The following NOS1AP variants were observed in gnomAD, a reference collection of about 807,000 sequenced individuals.
The protein encoded by NOS1AP is carboxyl-terminal PDZ ligand of neuronal nitric oxide synthase protein.
Under a neutral mutation model 56.2 loss-of-function variants are expected in NOS1AP, and 21 were observed. The ratio of observed to expected loss-of-function variants is 0.37; its 90% CI spans 0.26 to 0.54. The LOEUF (loss-of-function observed/expected upper bound fraction) is 0.54, where lower values mean the gene tolerates loss of function less well. NOS1AP is among the 20% of genes least tolerant of loss of function. The probability of loss-of-function intolerance (pLI) is 0.84; values close to 1 mark genes in which losing one functional copy is unlikely to be tolerated. For synonymous variants in NOS1AP, 270 were observed against 274.6 expected, an observed-to-expected ratio of 0.98 and a Z score of 0.17; for missense variants, 522 against 657.8, an observed-to-expected ratio of 0.79 and a Z score of 2.26.
At chr1:162,197,721 TTCTCTGCCTGGGC>T (rs1393056982) in intron 2 of NOS1AP, among the ~76,000 whole-genome samples, 2 of 152,196 alleles carry the variant, frequency 1.3e-5, no homozygotes, top group Non-Finnish European at 2.9e-5. Flanking sequence ...TCTGTTGTAT[TTCTCTGCCTGGGC>T]TCTTTTCCAC....
At chr1:162,358,788 TTATC>T (rs1374942318) in intron 8 of NOS1AP, among the ~76,000 whole-genome samples, 10 of 152,340 alleles carry the variant, frequency 6.6e-5, no homozygotes, top group African/African-American at 2.4e-4. Context: ...TAATTATTAT[TTATC>T]TAAGAGTGGG....
chr1:162,291,600 G>A (rs1655284466), intron 3 of NOS1AP, among the ~76,000 whole-genome samples: 1 of 152,024 alleles, frequency 6.6e-6, no homozygotes. Context: ...TAATCTTCAG[G>A]TGCATTATAC....
At chr1:162,218,243 G>T (rs1029694070) in intron 2 of NOS1AP, among the ~76,000 whole-genome samples, 1 of 152,156 alleles carries the variant, frequency 6.6e-6, no homozygotes, top group African/African-American at 2.4e-5. Context: ...AGAATCCTTG[G>T]CTGGGAGCCT....
chr1:162,225,680 C>G (rs1011349190), intron 2 of NOS1AP, among the ~76,000 whole-genome samples: 1 of 152,170 alleles, frequency 6.6e-6, no homozygotes, highest in Non-Finnish European at 1.5e-5. Context: ...CCAGGTAAGG[C>G]TGTCAGTTTG....
chr1:162,364,228 T>C lies in NOS1AP; in HGVS notation c.940-1176T>C, dbSNP rs893710784. On this transcript the variant is annotated intron_variant, in intron 8 of 9. Coordinates refer to ENST00000361897, the MANE Select transcript of NOS1AP (RefSeq NM_014697.3). ...CATCTTCCTGCATCCTCGTCCCACC[T>C]CTCCTGCCCCCACTCACCTGGCTCT... is the stretch of plus-strand genomic sequence containing the variant. The C allele has an allele frequency of 3.7e-5, 36 of 985,330 alleles. No individual in the cohort carries two copies. The African/African-American group carries it at 5.9e-4, about 16-fold the overall frequency. 61.0% of individuals were successfully genotyped at this position (985,330 alleles called of 1,614,324 possible). A position where few individuals can be genotyped will look rare whatever the true frequency, so the allele number is the denominator to read the frequency against.
chr1:162,182,486 A>G (rs1651295655), intron 2 of NOS1AP, among the ~76,000 whole-genome samples: 1 of 152,236 alleles, frequency 6.6e-6, no homozygotes, highest in African/African-American at 2.4e-5. Flanking sequence ...TCTTAAAATA[A>G]AGCAACAATG....
intron 1 of NOS1AP, among the ~76,000 whole-genome samples, chr1:162,138,247 C>T (rs1370357891): frequency 1.3e-5 from 2 of 151,970 alleles, no homozygotes; most frequent in Non-Finnish European, 2.9e-5. Context: ...CTCAAGGTCT[C>T]TTAGGAGACT....
At chr1:162,154,033 C>G (rs116511845) in intron 1 of NOS1AP, among the ~76,000 whole-genome samples, 2,926 of 135,164 alleles carry the variant, frequency 0.022, 118 homozygotes, top group African/African-American at 0.077. Flanking sequence ...ACATTTTATT[C>G]TGTTTGATCT....
chr1:162,126,040 TATTGTAAAAGGA>T (rs1283771395), intron 1 of NOS1AP, among the ~76,000 whole-genome samples: 3 of 152,182 alleles, frequency 2.0e-5, no homozygotes, highest in African/African-American at 7.2e-5. Flanking sequence ...TTTTTGCATT[TATTGTAAAAGGA>T]ATTGAGTTCT....
intron 1 of NOS1AP, among the ~76,000 whole-genome samples, chr1:162,081,853 C>T (rs1356264271): frequency 6.8e-6 from 1 of 148,104 alleles, no homozygotes; most frequent in Non-Finnish European, 1.5e-5. Flanking sequence ...ATCTGCCCAC[C>T]TCAGCCTCCC....
chr1:162,285,667 GT>G (rs1655067053), intron 2 of NOS1AP, among the ~76,000 whole-genome samples: 1 of 152,016 alleles, frequency 6.6e-6, no homozygotes, highest in Admixed American at 6.6e-5. Context: ...TCTGCCTCCC[GT>G]TTCCCCTTTA....
chr1:162,123,391 C>G (rs1445717194), intron 1 of NOS1AP, among the ~76,000 whole-genome samples: 2 of 152,050 alleles, frequency 1.3e-5, no homozygotes, highest in African/African-American at 4.8e-5. Flanking sequence ...AGGCTGGTCT[C>G]GAACTTCTGA....
At chr1:162,071,991 TAG>T (rs1237821960) in intron 1 of NOS1AP, among the ~76,000 whole-genome samples, 2 of 151,744 alleles carry the variant, frequency 1.3e-5, no homozygotes, top group Non-Finnish European at 2.9e-5. Context: ...GCCCAGGAGT[TAG>T]AGACTGCAGT....
rs148716347 is a variant in NOS1AP, at chr1:162,190,205, G to A, written c.177+35729G>A. Among the ~76,000 whole-genome samples, 640 of 152,282 alleles carry A rather than the reference G, an allele frequency of 4.2e-3. 3 individuals carry two copies. The highest frequency in any genetic ancestry group is 7.3e-3 in the Non-Finnish European group (499 of 68,020). Reference sequence around the variant, plus strand: ...CTCTCTGGCCATGTTCACATAGAACGTGTTTCATCTCTGCTCCCCATGATA... The same window carrying A: ...CTCTCTGGCCATGTTCACATAGAACATGTTTCATCTCTGCTCCCCATGATA... On this transcript the variant is annotated intron_variant, in intron 2 of 9. Transcript: ENST00000361897.
intron 1 of NOS1AP, among the ~76,000 whole-genome samples, chr1:162,116,133 C>G (rs1647939045): frequency 6.6e-6 from 1 of 152,128 alleles, no homozygotes; most frequent in Non-Finnish European, 1.5e-5. Flanking sequence ...AGGCTGAGCC[C>G]CTGGCCTCTG....
intron 6 of NOS1AP, among the ~76,000 whole-genome samples, chr1:162,353,871 AAGC>A (rs1328262714): frequency 6.6e-6 from 1 of 152,132 alleles, no homozygotes; most frequent in Non-Finnish European, 1.5e-5. Context: ...CTGTGGTAGA[AAGC>A]AGGCTGCTCC....
intron 2 of NOS1AP, among the ~76,000 whole-genome samples, chr1:162,268,274 A>T (rs1416260079): frequency 6.7e-6 from 1 of 149,392 alleles, no homozygotes; most frequent in Admixed American, 6.7e-5. Flanking sequence ...AAAAAAAAAG[A>T]TCTTAAGTCT....
chr1:162,100,761 T>G (rs897732503), intron 1 of NOS1AP, among the ~76,000 whole-genome samples: 7 of 152,222 alleles, frequency 4.6e-5, no homozygotes, highest in Non-Finnish European at 1.0e-4. Context: ...TTCATGTCCT[T>G]TGGTCACTTT....
chr1:162,135,986 T>C (rs1648980893), intron 1 of NOS1AP, among the ~76,000 whole-genome samples: 2 of 152,234 alleles, frequency 1.3e-5, no homozygotes, highest in African/African-American at 4.8e-5. Context: ...AGGTGTATAA[T>C]ACAATTTAGA....
Sources: gnomAD v4.1 joint callset for allele counts (sites outside exome capture counted in the v4.1 genomes callset) on GRCh38, gnomAD v4.1.1 for gene constraint, MANE v1.5 for transcripts, NCBI Gene and HGNC (gene_info 2026-07-23, HGNC 2026-07-21) for gene names.